Variants in TIAM1 observed in about 807,000 individuals in gnomAD.
TIAM1 encodes the protein rho guanine nucleotide exchange factor TIAM1.
TIAM1 carries 65 observed loss-of-function variants against 163.5 expected under a neutral mutation model. The observed-to-expected ratio is 0.40, with a 90% CI of 0.33 to 0.49. The LOEUF (loss-of-function observed/expected upper bound fraction) is 0.49, where lower values mean the gene tolerates loss of function less well. Among genes scored for constraint, TIAM1 ranks in the 20% least tolerant of loss-of-function variants. TIAM1 has a pLI of 0.77. For missense variants in TIAM1, 1,789 were observed against 2,044.7 expected (o/e 0.87, Z 2.41); for synonymous variants, 833 against 810.1 (o/e 1.03, Z -0.48).
chr21:31,192,353 C>A (rs1311577586), intron 13 of TIAM1, among the ~76,000 whole-genome samples: 1 of 152,188 alleles, frequency 6.6e-6, no homozygotes, highest in Admixed American at 6.5e-5. Flanking sequence ...CACAGTGGCT[C>A]ATGCCTGTAA....
chr21:31,191,322 AT>A (rs1347333069), intron 13 of TIAM1, among the ~76,000 whole-genome samples: 1 of 151,916 alleles, frequency 6.6e-6, no homozygotes, highest in African/African-American at 2.4e-5. Context: ...AGCCCGTCTA[AT>A]TTTTTTATCT....
chr21:31,558,337 T>C (rs1401188648), intron 1 of TIAM1, among the ~76,000 whole-genome samples: 1 of 151,886 alleles, frequency 6.6e-6, no homozygotes, highest in Non-Finnish European at 1.5e-5. Context: ...CTCCGGGGGT[T>C]CGTCGCGGGT....
At chr21:31,377,546 C>T (rs2076708042) in intron 2 of TIAM1, among the ~76,000 whole-genome samples, 1 of 152,202 alleles carries the variant, frequency 6.6e-6, no homozygotes, top group South Asian at 2.1e-4. Context: ...TCTGCAGTGA[C>T]TACATCACGC....
chr21:31,501,704 G>A (rs1342658818), intron 1 of TIAM1, among the ~76,000 whole-genome samples: 1 of 152,170 alleles, frequency 6.6e-6, no homozygotes, highest in Non-Finnish European at 1.5e-5. Context: ...CCAGGTTCAA[G>A]CGATTCTCCT....
chr21:31,404,353 G>A (rs934905485), intron 2 of TIAM1, among the ~76,000 whole-genome samples: 23 of 152,138 alleles, frequency 1.5e-4, no homozygotes, highest in African/African-American at 3.6e-4. Context: ...ACTGTTTGCC[G>A]TGTTAAAAAT....
chr21:31,409,775 C>T (rs894113229), intron 2 of TIAM1, among the ~76,000 whole-genome samples: 2 of 152,200 alleles, frequency 1.3e-5, no homozygotes, highest in Non-Finnish European at 2.9e-5. Flanking sequence ...CCAAAGGCCT[C>T]CCTCCCTGGT....
chr21:31,433,668 A>G (rs1403664300), intron 2 of TIAM1, among the ~76,000 whole-genome samples: 1 of 152,248 alleles, frequency 6.6e-6, no homozygotes, highest in Non-Finnish European at 1.5e-5. Flanking sequence ...TGAGGGTGGT[A>G]ATTGACTTAT....
At chr21:31,557,893 G>A (rs949725630) in intron 1 of TIAM1, among the ~76,000 whole-genome samples, 1 of 152,012 alleles carries the variant, frequency 6.6e-6, no homozygotes, top group African/African-American at 2.4e-5. Context: ...CTGGACCCCA[G>A]GCTGGGACAC....
intron 1 of TIAM1, among the ~76,000 whole-genome samples, chr21:31,549,359 G>T (rs1347153279): frequency 2.6e-5 from 4 of 151,904 alleles, no homozygotes; most frequent in African/African-American, 9.7e-5. Context: ...TATGCATAGG[G>T]CATCATCAAG....
intron 4 of TIAM1, 73 bp downstream of exon 4, chr21:31,265,937 T>G (rs2072734554): frequency 6.5e-6 from 10 of 1,542,196 alleles, no homozygotes; most frequent in African/African-American, 1.4e-5. Flanking sequence ...GGAAATCTTC[T>G]AAGAGCAAAG....
chr21:31,494,046 C>G (rs1271532191), intron 1 of TIAM1, among the ~76,000 whole-genome samples: 2 of 152,190 alleles, frequency 1.3e-5, no homozygotes, highest in African/African-American at 4.8e-5. Flanking sequence ...TCCCCAGTAG[C>G]TGGGATTACA....
chr21:31,540,593 T>C lies in TIAM1; in HGVS notation c.-422+18334A>G, dbSNP rs574526494. Among the ~76,000 whole-genome samples, 34 of 152,328 alleles carry C rather than the reference T, an allele frequency of 2.2e-4. No individual in the cohort carries two copies. In the Middle Eastern group the frequency reaches 0.01, roughly 46 times the overall value. On this transcript the variant is annotated intron_variant, in intron 1 of 28. Transcript: ENST00000286827. ...CATCTCTGCAGATGAGGCTCTCTTA[T>C]GTCCAGCCTGCTCACTTCTTAAACT...
intron 6 of TIAM1, among the ~76,000 whole-genome samples, chr21:31,235,738 A>G (rs1194653904): frequency 6.6e-6 from 1 of 152,256 alleles, no homozygotes; most frequent in East Asian, 1.9e-4. Flanking sequence ...AAGAAAAGGA[A>G]GAATACAGTT....
rs1350338587 is a variant in TIAM1 at position 31,442,072 on chromosome 21, T to TAA, written c.-369+21910_-369+21911insTT. On this transcript the variant is annotated intron_variant, in intron 2 of 28. Transcript: ENST00000286827. Reference sequence around the variant, plus strand: ...CCCTATCTCAGAACAAATAAATAAATATATATATATATATAGAACAATAAG... The same window carrying TAA: ...CCCTATCTCAGAACAAATAAATAAATAAATATATATATATATAGAACAATAAG... 4.5e-4 allele frequency among the ~76,000 whole-genome samples: 46 copies of TAA among 102,560 alleles called. 1 individual carries two copies. The highest frequency in any genetic ancestry group is 4.8e-3 in the Middle Eastern group (1 of 208). The allele number at this position is 102,560 out of a possible 152,430, so 67.3% of individuals were successfully genotyped here.
chr21:31,230,154 C>A (rs78928758), intron 6 of TIAM1, among the ~76,000 whole-genome samples: 2 of 152,136 alleles, frequency 1.3e-5, no homozygotes, highest in East Asian at 1.9e-4. Flanking sequence ...ACCCTCACCC[C>A]CTAACTCACA....
chr21:31,355,528 A>ATTATTTATTTAT lies in TIAM1; in HGVS notation c.-368-16118_-368-16107dup, dbSNP rs56133305. Among the ~76,000 whole-genome samples, 1,392 of 144,742 alleles carry ATTATTTATTTAT rather than the reference A, an allele frequency of 9.6e-3. 11 individuals carry two copies. Among genetic ancestry groups the ATTATTTATTTAT allele is most frequent in the African/African-American group, 0.015 (603 of 39,294 alleles). 95.0% of individuals were successfully genotyped at this position (144,742 alleles called of 152,430 possible). ...TCCCTGATTTATTTTTCTCTCCTTT[A>ATTATTTATTTAT]TTATTTATTTATTTATTTATTTATT... On this transcript the variant is annotated intron_variant, in intron 2 of 28. Coordinates refer to the TIAM1 transcript ENST00000286827.
At chr21:31,272,418 A>G (rs1201643767) in intron 3 of TIAM1, among the ~76,000 whole-genome samples, 1 of 151,878 alleles carries the variant, frequency 6.6e-6, no homozygotes, top group African/African-American at 2.4e-5. Flanking sequence ...TATATATATC[A>G]GGTAGGTGGT....
chr21:31,195,316 C>CAA lies in TIAM1; in HGVS notation c.2494-13_2494-12dup, dbSNP rs1268314389. On this transcript the variant is annotated splice_polypyrimidine_tract_variant and intron_variant, in intron 12 of 27. Transcript: ENST00000541036. Reference sequence around the variant, plus strand: ...AATTTCTTTGTACAGCTGAAAGTTACAAAGGGGAATCTAATTAGAATTTCA... The same window carrying CAA: ...AATTTCTTTGTACAGCTGAAAGTTACAAAAAGGGGAATCTAATTAGAATTTCA... The CAA allele has an allele frequency of 1.9e-6, 3 of 1,587,100 alleles. No individual in the cohort carries two copies. The African/African-American group carries it at 4.1e-5, about 21-fold the overall frequency.
At chr21:31,138,340 G>C (rs915247320) in intron 22 of TIAM1, among the ~76,000 whole-genome samples, 2 of 152,192 alleles carry the variant, frequency 1.3e-5, no homozygotes, top group African/African-American at 4.8e-5. Context: ...TGCCTTCAGA[G>C]ATATCTTAAG....
Sources: allele counts gnomAD v4.1 joint callset (sites outside exome capture counted in the v4.1 genomes callset), GRCh38; gene constraint gnomAD v4.1.1; transcripts MANE v1.5; gene names NCBI Gene and HGNC (gene_info 2026-07-23, HGNC 2026-07-21).